Variants in MEF2A observed in about 807,000 individuals in gnomAD.
MEF2A encodes myocyte-specific enhancer factor 2A.
MEF2A carries 28 observed loss-of-function variants against 55.8 expected under a neutral mutation model. The observed-to-expected ratio is 0.50, with a 90% CI of 0.37 to 0.69. The LOEUF (loss-of-function observed/expected upper bound fraction) is 0.69, where lower values mean the gene tolerates loss of function less well. Among genes scored for constraint, MEF2A ranks in the 30% least tolerant of loss-of-function variants. The pLI, the probability that MEF2A is intolerant of heterozygous loss-of-function variation, is 0.00. For synonymous variants in MEF2A, 239 were observed against 227.1 expected, an observed-to-expected ratio of 1.05 and a Z score of -0.47; for missense variants, 528 against 626.2, an observed-to-expected ratio of 0.84 and a Z score of 1.67.
intron 10 of MEF2A, 78 bp from the exon 11 acceptor site, chr15:99,710,556 T>C: frequency 6.4e-7 from 1 of 1,556,494 alleles, no homozygotes; most frequent in Non-Finnish European, 8.8e-7. Context: ...ATGTAGGAAC[T>C]TTTGCAGTAG....
intron 7 of MEF2A, 94 bp from the exon 8 acceptor site, chr15:99,690,147 T>C (rs1025528678): frequency 8.3e-7 from 1 of 1,199,742 alleles, no homozygotes; most frequent in Non-Finnish European, 1.2e-6. Context: ...TTATAAAATT[T>C]ATTTGCAACT....
chr15:99,666,613 A>AAT (rs1567374738), intron 4 of MEF2A, among the ~76,000 whole-genome samples: 2 of 91,904 alleles, frequency 2.2e-5, no homozygotes, highest in African/African-American at 2.9e-5. Flanking sequence ...ATAATAATAA[A>AAT]AAGATCAGCA....
intron 9 of MEF2A, among the ~76,000 whole-genome samples, chr15:99,704,689 TGCCATGGA>T (rs1358008739): frequency 6.6e-6 from 1 of 152,236 alleles, no homozygotes; most frequent in Non-Finnish European, 1.5e-5. Context: ...ATGAAGATGA[TGCCATGGA>T]GTAGGTAGGG....
chr15:99,681,888 T>G (rs1472673296), intron 7 of MEF2A: 1 of 152,232 alleles, frequency 6.6e-6, no homozygotes, highest in Non-Finnish European at 1.5e-5. Flanking sequence ...CTGTAATCTT[T>G]TCTACTTTCA....
chr15:99,700,463 G>A (rs538247190), intron 8 of MEF2A, among the ~76,000 whole-genome samples: 12 of 151,836 alleles, frequency 7.9e-5, no homozygotes, highest in Non-Finnish European at 1.8e-4. Context: ...AGTGGCCTAT[G>A]ATTGTACCAC....
At chr15:99,594,727 TTTC>T (rs1970582599) in intron 1 of MEF2A, among the ~76,000 whole-genome samples, 1 of 152,206 alleles carries the variant, frequency 6.6e-6, no homozygotes, top group African/African-American at 2.4e-5. Flanking sequence ...CAAATATGTA[TTTC>T]TTATTACATC....
At chr15:99,575,291 A>T (rs1031302518) in intron 1 of MEF2A, among the ~76,000 whole-genome samples, 3 of 152,196 alleles carry the variant, frequency 2.0e-5, no homozygotes, top group African/African-American at 7.2e-5. Flanking sequence ...CCAATATTAT[A>T]CAATGCATTT....
intron 2 of MEF2A, among the ~76,000 whole-genome samples, chr15:99,602,733 G>T (rs1487845516): frequency 1.3e-5 from 1 of 74,308 alleles, no homozygotes; most frequent in Non-Finnish European, 2.8e-5. Flanking sequence ...TGTGTGTGGG[G>T]GGGTGGGGGT....
chr15:99,571,676 C>T (rs79903507), intron 1 of MEF2A, among the ~76,000 whole-genome samples: 3,180 of 152,214 alleles, frequency 0.021, 41 homozygotes, highest in Middle Eastern at 0.044. Context: ...GTTGGAATCT[C>T]AAGTATAATA....
intron 2 of MEF2A, among the ~76,000 whole-genome samples, chr15:99,613,017 G>A (rs183248427): frequency 6.6e-6 from 1 of 152,078 alleles, no homozygotes; most frequent in South Asian, 2.1e-4. Flanking sequence ...TGTATAAATT[G>A]CAGTGCGTAG....
intron 4 of MEF2A, among the ~76,000 whole-genome samples, chr15:99,662,478 CT>C (rs1182648424): frequency 2.4e-3 from 338 of 141,982 alleles, no homozygotes; most frequent in Middle Eastern, 3.6e-3. Context: ...CTTTTTTCCT[CT>C]TTTTTTTTTT....
Position 99,715,914 on chromosome 15 carries a change from G to C in MEF2A, c.*3143G>C, listed in dbSNP as rs2153855675. ...TCCATTTTGTTATAGACTAAATCAG[G>C]GGTTTGTTCTACAAGAACAATACAT... On this transcript the variant is annotated 3_prime_UTR_variant, in exon 12 of 12. Coordinates refer to ENST00000557942, the MANE Select transcript of MEF2A (RefSeq NM_001319206.4). The C allele has an allele frequency of 6.6e-6, 1 of 152,228 alleles. No homozygotes were observed. Among genetic ancestry groups the C allele is most frequent in the East Asian group, 1.9e-4 (1 of 5,170 alleles). The allele number at this position is 152,228 out of a possible 1,614,324, so 9.4% of individuals were successfully genotyped here.
At chr15:99,690,497 C>G in intron 8 of MEF2A, 69 bp downstream of exon 8, 1 of 1,384,004 alleles carries the variant, frequency 7.2e-7, no homozygotes. Flanking sequence ...TCTGTAGCTT[C>G]CTTTGGAATT....
intron 2 of MEF2A, among the ~76,000 whole-genome samples, chr15:99,605,416 T>C (rs1974709247): frequency 6.6e-6 from 1 of 152,172 alleles, no homozygotes; most frequent in Admixed American, 6.5e-5. Flanking sequence ...TAGGATGTGG[T>C]TTTCTTTCCT....
At chr15:99,700,853 T>C (rs2057308840) in intron 8 of MEF2A, among the ~76,000 whole-genome samples, 1 of 152,166 alleles carries the variant, frequency 6.6e-6, no homozygotes, top group African/African-American at 2.4e-5. Flanking sequence ...TAGTATTGGA[T>C]TATAGCCCAG....
At chr15:99,624,947 G>A (rs765303313) in intron 2 of MEF2A, among the ~76,000 whole-genome samples, 67 of 152,136 alleles carry the variant, frequency 4.4e-4, no homozygotes, top group Non-Finnish European at 1.6e-4. Context: ...ACGATTTTTC[G>A]ACTTTACAGT....
chr15:99,674,657 G>T, intron 6 of MEF2A, 45 bp downstream of exon 6: 1 of 1,491,510 alleles, frequency 6.7e-7, no homozygotes, highest in South Asian at 1.2e-5. Flanking sequence ...TAAAGAGGGT[G>T]AAAAAATTCA....
At chr15:99,639,647 T>G (rs370474817) in intron 3 of MEF2A, among the ~76,000 whole-genome samples, 3 of 152,318 alleles carry the variant, frequency 2.0e-5, no homozygotes, top group East Asian at 3.9e-4. Context: ...GTTTTCAAGT[T>G]GCTTTCCAAA....
At position 99,715,157 on chromosome 15, in the gene MEF2A, G is replaced by GAAGT. The variant is rs1721191788; in HGVS notation, c.*2387_*2390dup. ...CCAAACAAGACAGTCTCCCAACACT[G>GAAGT]AAGTTCCAAAATAATCCTTACCACT... On this transcript the variant is annotated 3_prime_UTR_variant, in exon 12 of 12. Transcript: ENST00000557942. 6.6e-6 allele frequency: 1 copy of GAAGT among 152,212 alleles called. No homozygotes were observed. Among genetic ancestry groups the GAAGT allele is most frequent in the Non-Finnish European group, 1.5e-5 (1 of 68,042 alleles). The allele number at this position is 152,212 out of a possible 1,614,324, so 9.4% of individuals were successfully genotyped here.
Sources: allele counts gnomAD v4.1 joint callset (sites outside exome capture counted in the v4.1 genomes callset), GRCh38; gene constraint gnomAD v4.1.1; transcripts MANE v1.5; gene names NCBI Gene and HGNC (gene_info 2026-07-23, HGNC 2026-07-21).